Variants in RPP21 observed in about 807,000 individuals in gnomAD.
RPP21 encodes the protein ribonuclease P subunit p21, also known as ribonuclease P protein subunit p21.
RPP21 carries 21 observed loss-of-function variants against 19.0 expected under a neutral mutation model. The observed-to-expected ratio is 1.11, with a 90% CI of 0.78 to 1.59. RPP21 has a LOEUF of 1.59. Ranked by LOEUF, RPP21 falls within the 40% of genes most tolerant of loss-of-function variation. The pLI is 0.00. For missense variants in RPP21, 215 were observed against 200.2 expected, an observed-to-expected ratio of 1.07 and a Z score of -0.45; for synonymous variants, 93 against 78.7, an observed-to-expected ratio of 1.18 and a Z score of -0.96.
rs915603135 is a variant in RPP21 at position 30,346,368 on chromosome 6, A to G, written c.242-64A>G. 2.5e-6 allele frequency: 4 copies of G among 1,580,588 alleles called. No individual in the cohort carries two copies. The highest frequency in any genetic ancestry group is 3.5e-6 in the Non-Finnish European group (4 of 1,157,584). ...ATACCTACTGAAAAACACTGGAGGCAAAACTGGCAGCAAGAGACCGTTACT... is the reference window on the plus strand; with the variant it reads ...ATACCTACTGAAAAACACTGGAGGCGAAACTGGCAGCAAGAGACCGTTACT... On this transcript the variant is annotated intron_variant, in intron 3 of 4. Transcript: ENST00000442966. The surrounding 1 kb of genome is among the most constrained non-coding windows in gnomAD (Gnocchi z 4.7).
chr6:30,346,253 T>C lies in RPP21; in HGVS notation c.242-179T>C, dbSNP rs998106491. 1 of 1,115,788 alleles carries C rather than the reference T, an allele frequency of 9.0e-7. No homozygotes were observed. Among genetic ancestry groups the C allele is most frequent in the African/African-American group, 1.6e-5 (1 of 63,282 alleles). 69.1% of individuals were successfully genotyped at this position (1,115,788 alleles called of 1,614,324 possible). On this transcript the variant is annotated intron_variant, in intron 3 of 4. Coordinates refer to ENST00000442966, the MANE Select transcript of RPP21 (RefSeq NM_024839.4). This position sits in a 1 kb window ranked among gnomAD's most constrained non-coding sequence, Gnocchi z 4.7. ...TTGTTAGGGAGTTTGAACTTTATCT[T>C]AAAGAGTTCCAGGAAATCGATGGAG...
At position 30,346,799 on chromosome 6, in the gene RPP21, A is replaced by G; in HGVS notation, c.454A>G (p.Ser152Gly). The change falls in exon 5 of 5, where the codon AGT becomes GGT. Residue 152 changes from serine to glycine, a missense_variant. Coordinates refer to ENST00000442966, the MANE Select transcript of RPP21 (RefSeq NM_024839.4). The surrounding 1 kb of genome is among the most constrained non-coding windows in gnomAD (Gnocchi z 4.7). ...PEEKMQTQGS[S>G]NQ ...GGAGAAAATGCAGACTCAGGGTTCC[A>G]GTAACCAGTGATGGATTCACCCCAT... 1 of 1,613,198 alleles carries G rather than the reference A, an allele frequency of 6.2e-7. No individual in the cohort carries two copies.
Position 30,346,316 on chromosome 6 carries a change from A to G in RPP21, c.242-116A>G. ...CCTGACACCATCAAATGTGCATTCA[A>G]ATTGGGGGTGTGGTGGGGGAGCGGG... On this transcript the variant is annotated intron_variant, in intron 3 of 4. Coordinates refer to ENST00000442966, the MANE Select transcript of RPP21 (RefSeq NM_024839.4). The surrounding 1 kb of genome is among the most constrained non-coding windows in gnomAD (Gnocchi z 4.7). The G allele has an allele frequency of 6.6e-7, 1 of 1,520,300 alleles. No individual in the cohort carries two copies. The allele number at this position is 1,520,300 out of a possible 1,614,324, so 94.2% of individuals were successfully genotyped here.
Position 30,345,495 on chromosome 6 carries a change from C to G in RPP21, c.163C>G (p.Pro55Ala), listed in dbSNP as rs537601441. The change falls in exon 3 of 5, where the codon CCC becomes GCC. Residue 55 changes from proline (P) to alanine (A), a missense_variant. Coordinates refer to ENST00000442966, the MANE Select transcript of RPP21 (RefSeq NM_024839.4). ...IAKRLVLRRD[P>A]SVKRTLCRGC... ...ACTATCCTCCTCCGCCCCCAGGGAT[C>G]CCTCGGTGAAGAGGACTCTCTGTCG... 273 of 1,607,166 alleles carry G rather than the reference C, an allele frequency of 1.7e-4. 2 individuals are homozygous for G. Among genetic ancestry groups the G allele is most frequent in the Admixed American group, 2.5e-4 (15 of 59,424 alleles).
chr6:30,346,586 A>G lies in RPP21; in HGVS notation c.367+29A>G. 6.2e-7 allele frequency: 1 copy of G among 1,614,042 alleles called. No individual in the cohort carries two copies. The highest frequency in any genetic ancestry group is 8.5e-7 in the Non-Finnish European group (1 of 1,179,988). On this transcript the variant is annotated intron_variant, in intron 4 of 4. Coordinates refer to ENST00000442966, the MANE Select transcript of RPP21 (RefSeq NM_024839.4). This position sits in a 1 kb window ranked among gnomAD's most constrained non-coding sequence, Gnocchi z 4.7. ...AGAGGTGAGGGAGAAAATGGAGGAC[A>G]CCCCAGAGGATAGGGACAATGGAGA...
rs1161907333 is a variant in RPP21 at position 30,346,311 on chromosome 6, A to C, written c.242-121A>C. On this transcript the variant is annotated intron_variant, in intron 3 of 4. Transcript: ENST00000442966. The surrounding 1 kb of genome is among the most constrained non-coding windows in gnomAD (Gnocchi z 4.7). Reference sequence around the variant, plus strand: ...CGAGGCCTGACACCATCAAATGTGCATTCAAATTGGGGGTGTGGTGGGGGA... The same window carrying C: ...CGAGGCCTGACACCATCAAATGTGCCTTCAAATTGGGGGTGTGGTGGGGGA... 1.3e-6 allele frequency: 2 copies of C among 1,504,974 alleles called. No homozygotes were observed. The highest frequency in any genetic ancestry group is 1.8e-6 in the Non-Finnish European group (2 of 1,115,136). 93.2% of individuals were successfully genotyped at this position (1,504,974 alleles called of 1,614,324 possible).
At chr6:30,345,771 G>GT in intron 3 of RPP21, 198 bp downstream of exon 3, 2 of 604,248 alleles carry the variant, frequency 3.3e-6, no homozygotes, top group Non-Finnish European at 2.6e-6. Context: ...TTTGGGCTCG[G>GT]CTGTTTTTTT....
In RPP21 at chr6:30,345,181, C is replaced by G; in HGVS notation, c.10C>G (p.Pro4Ala). 6.4e-7 allele frequency: 1 copy of G among 1,563,462 alleles called. No individual in the cohort carries two copies. The highest frequency in any genetic ancestry group is 8.7e-7 in the Non-Finnish European group (1 of 1,155,448). The change falls in exon 1 of 5, where the codon CCG becomes GCG. Residue 4 changes from proline to alanine, a missense_variant. Coordinates refer to ENST00000442966, the MANE Select transcript of RPP21 (RefSeq NM_024839.4). ...CTGGAGCGCGGCGGTGATGGCGGGG[C>G]CGGTGAAGGACCGCGAGGCCTTCCA... MAGPVKDREAFQRL... is the reference protein window; with the variant it reads MAGAVKDREAFQRL...
rs760592161 is a variant in RPP21, at chr6:30,345,163, G to C, written c.-9G>C. On this transcript the variant is annotated 5_prime_UTR_variant, in exon 1 of 5. Transcript: ENST00000442966. Reference sequence around the variant, plus strand: ...GTGGGGCTGCGGGAGGCCCTGGAGCGCGGCGGTGATGGCGGGGCCGGTGAA... The same window carrying C: ...GTGGGGCTGCGGGAGGCCCTGGAGCCCGGCGGTGATGGCGGGGCCGGTGAA... The C allele has an allele frequency of 6.4e-7, 1 of 1,558,102 alleles. No individual in the cohort carries two copies. Among genetic ancestry groups the C allele is most frequent in the Admixed American group, 1.9e-5 (1 of 51,836 alleles).
Position 30,345,205 on chromosome 6 carries a change from C to T in RPP21, c.34C>T (p.Gln12Ter), listed in dbSNP as rs1409007910. The T allele has an allele frequency of 1.3e-6, 2 of 1,590,308 alleles. No homozygotes were observed. Among genetic ancestry groups the T allele is most frequent in the East Asian group, 2.3e-5 (1 of 44,238 alleles). Residue 12 changes from glutamine (Q) to a stop codon, truncating the protein, a stop_gained, in exon 1 of 5, where the codon CAG (glutamine) becomes TAG (stop). Transcript: ENST00000442966. LOFTEE classifies it high-confidence loss of function. ...GCCGGTGAAGGACCGCGAGGCCTTC[C>T]AGAGGCTCAACTTCCTGTACCAGGT... ...AGPVKDREAF[Q>*]RLNFLYQAAH...
chr6:30,345,191 A>AC lies in RPP21; in HGVS notation c.22dup (p.Arg8ProfsTer35). The AC allele has an allele frequency of 6.4e-7, 1 of 1,571,738 alleles. No homozygotes were observed. Among genetic ancestry groups the AC allele is most frequent in the Non-Finnish European group, 8.6e-7 (1 of 1,159,328 alleles). ...GCGGTGATGGCGGGGCCGGTGAAGG[A>AC]CCGCGAGGCCTTCCAGAGGCTCAAC... On this transcript the variant is annotated frameshift_variant, in exon 1 of 5. Coordinates refer to ENST00000442966, the MANE Select transcript of RPP21 (RefSeq NM_024839.4). LOFTEE classifies it high-confidence loss of function.
Position 30,345,195 on chromosome 6 carries a change from C to G in RPP21, c.24C>G (p.Arg8=). 3 of 1,576,544 alleles carry G rather than the reference C, an allele frequency of 1.9e-6. No homozygotes were observed. Among genetic ancestry groups the G allele is most frequent in the Non-Finnish European group, 8.6e-7 (1 of 1,161,658 alleles). The part of the protein sequence containing the change: MAGPVKD[R]EAFQRLNFLY... ...TGATGGCGGGGCCGGTGAAGGACCG[C>G]GAGGCCTTCCAGAGGCTCAACTTCC... The change falls in exon 1 of 5, where the codon CGC becomes CGG. Residue 8 remains arginine, a synonymous_variant. Transcript: ENST00000442966.
Position 30,346,515 on chromosome 6 carries a change from C to T in RPP21, c.325C>T (p.Leu109Phe), listed in dbSNP as rs1788166479. Residue 109 changes from leucine (L) to phenylalanine (F), a missense_variant, in exon 4 of 5, where the codon CTC becomes TTC. Physicochemically the swap from Leu to Phe is conservative, Grantham distance 22. Transcript: ENST00000442966. The surrounding 1 kb of genome is among the most constrained non-coding windows in gnomAD (Gnocchi z 4.7). ...QRFLNDPGHL[L>F]WGDRPEAQLG... The stretch of plus-strand genomic sequence containing the variant: ...CTTCCTCAATGATCCCGGGCATTTA[C>T]TCTGGGGAGACAGGCCTGAGGCCCA... 7 of 1,614,138 alleles carry T rather than the reference C, an allele frequency of 4.3e-6. No individual in the cohort carries two copies. Among genetic ancestry groups the T allele is most frequent in the Non-Finnish European group, 5.9e-6 (7 of 1,180,018 alleles).
At chr6:30,345,751 C>A in intron 3 of RPP21, 178 bp downstream of exon 3, 9 of 691,138 alleles carry the variant, frequency 1.3e-5, no homozygotes, top group South Asian at 4.7e-5. Context: ...GCCACTTGCA[C>A]AAACTAGGGT....
At position 30,346,594 on chromosome 6, in the gene RPP21, G is replaced by C; in HGVS notation, c.367+37G>C. 6.2e-7 allele frequency: 1 copy of C among 1,614,100 alleles called. No individual in the cohort carries two copies. The highest frequency in any genetic ancestry group is 8.5e-7 in the Non-Finnish European group (1 of 1,180,000). The stretch of plus-strand genomic sequence containing the variant: ...GGGAGAAAATGGAGGACACCCCAGA[G>C]GATAGGGACAATGGAGAACGTAGAG... On this transcript the variant is annotated intron_variant, in intron 4 of 4. Transcript: ENST00000442966. This position sits in a 1 kb window ranked among gnomAD's most constrained non-coding sequence, Gnocchi z 4.7.
chr6:30,345,449 A>AG (rs763448099), intron 2 of RPP21, 42 bp from the exon 3 acceptor site: 1 of 1,611,186 alleles, frequency 6.2e-7, no homozygotes, highest in East Asian at 2.2e-5. Context: ...GGAACGCGAG[A>AG]GGGAGCGCGG....
At position 30,346,329 on chromosome 6, in the gene RPP21, G is replaced by A; in HGVS notation, c.242-103G>A. 6.5e-7 allele frequency: 1 copy of A among 1,541,226 alleles called. No homozygotes were observed. Among genetic ancestry groups the A allele is most frequent in the Non-Finnish European group, 8.8e-7 (1 of 1,137,982 alleles). On this transcript the variant is annotated intron_variant, in intron 3 of 4. Transcript: ENST00000442966. This position sits in a 1 kb window ranked among gnomAD's most constrained non-coding sequence, Gnocchi z 4.7. Reference sequence around the variant, plus strand: ...AATGTGCATTCAAATTGGGGGTGTGGTGGGGGAGCGGGGATACCTACTGAA... The same window carrying A: ...AATGTGCATTCAAATTGGGGGTGTGATGGGGGAGCGGGGATACCTACTGAA...
chr6:30,346,772 G>T lies in RPP21; in HGVS notation c.427G>T (p.Glu143Ter), dbSNP rs149764842. The part of the protein sequence containing the change: ...TAHSISDRLP[E>*]EKMQTQGSSN... ...CCACTCCATTTCAGACCGCCTTCCT[G>T]AGGAGAAAATGCAGACTCAGGGTTC... The change falls in exon 5 of 5, where the codon GAG (glutamate) becomes TAG (stop). Residue 143 changes from glutamate to a stop codon, truncating the protein, a stop_gained. Transcript: ENST00000442966. LOFTEE classifies it low-confidence loss of function (END_TRUNC). The surrounding 1 kb of genome is among the most constrained non-coding windows in gnomAD (Gnocchi z 4.7). 6.2e-7 allele frequency: 1 copy of T among 1,613,234 alleles called. No individual in the cohort carries two copies. The highest frequency in any genetic ancestry group is 2.2e-5 in the East Asian group (1 of 44,890).
chr6:30,346,606 T>C lies in RPP21; in HGVS notation c.367+49T>C. ...AGGACACCCCAGAGGATAGGGACAA[T>C]GGAGAACGTAGAGTGAAGAGGACAC... is the stretch of plus-strand genomic sequence containing the variant. On this transcript the variant is annotated intron_variant, in intron 4 of 4. Coordinates refer to ENST00000442966, the MANE Select transcript of RPP21 (RefSeq NM_024839.4). The surrounding 1 kb of genome is among the most constrained non-coding windows in gnomAD (Gnocchi z 4.7). 1 of 1,613,932 alleles carries C rather than the reference T, an allele frequency of 6.2e-7. No homozygotes were observed. Among genetic ancestry groups the C allele is most frequent in the Non-Finnish European group, 8.5e-7 (1 of 1,179,938 alleles).
Sources: allele counts gnomAD v4.1 joint callset, GRCh38; gene constraint gnomAD v4.1.1; non-coding constraint Gnocchi (gnomAD v3.1); transcripts MANE v1.5; gene names NCBI Gene and HGNC (gene_info 2026-07-23, HGNC 2026-07-21).